ODAD2: variants seen among roughly 807,000 people sequenced by gnomAD.
ODAD2 encodes the protein outer dynein arm-docking complex subunit 2.
In ODAD2, 89 loss-of-function variants were observed where a neutral mutation model predicts 106.8. That is an observed-to-expected ratio of 0.83 (90% CI 0.70 to 0.99). The LOEUF is 0.99. Among genes scored for constraint, ODAD2 ranks in the 50% least tolerant of loss-of-function variants. The probability of loss-of-function intolerance (pLI) is 0.00; values close to 1 mark genes in which losing one functional copy is unlikely to be tolerated. For synonymous variants in ODAD2, 404 were observed against 436.2 expected, an observed-to-expected ratio of 0.93 and a Z score of 0.92; for missense variants, 1,168 against 1,238.5, an observed-to-expected ratio of 0.94 and a Z score of 0.85.
At chr10:27,975,103 T>C (rs1300908159) in intron 7 of ODAD2, among the ~76,000 whole-genome samples, 3 of 152,198 alleles carry the variant, frequency 2.0e-5, no homozygotes, top group South Asian at 2.1e-4. Context: ...TTTTGTATCC[T>C]GAAACGTTGC....
rs779911895 is a variant in ODAD2, at chr10:27,860,626, T to C, written c.3020A>G (p.Lys1007Arg). 3 of 1,613,520 alleles carry C rather than the reference T, an allele frequency of 1.9e-6. No homozygotes were observed. In the South Asian group the frequency reaches 3.3e-5, roughly 18 times the overall value. Reference protein sequence around the residue: ...CITMHENGAVKLLLDMVGSPD... With the variant: ...CITMHENGAVRLLLDMVGSPD... ...AACCACAAAGTCATTCAACTGTACC[T>C]TTACTGCACCATTCTCATGCATGGT... is the stretch of plus-strand genomic sequence containing the variant. Residue 1007 changes from lysine to arginine, a missense_variant and splice_region_variant, in exon 19 of 20, where the codon AAG becomes AGG. Around this residue, in one of 3 missense-constraint regions of ODAD2, gnomAD observed 701 missense variants for 712.3 expected, o/e 0.98. Coordinates refer to ENST00000305242, the MANE Select transcript of ODAD2 (RefSeq NM_018076.5).
In ODAD2 at chr10:27,896,093, G is replaced by C. The variant is rs530310289; in HGVS notation, c.2610+11570C>G. ...TGCTCACATATCCCAATGCACTTTTGAAAAGCTGTGTATCTTCTTCATCTC... is the reference window on the plus strand; with the variant it reads ...TGCTCACATATCCCAATGCACTTTTCAAAAGCTGTGTATCTTCTTCATCTC... On this transcript the variant is annotated intron_variant, in intron 17 of 19. Transcript: ENST00000305242. 7.9e-5 allele frequency among the ~76,000 whole-genome samples: 12 copies of C among 152,272 alleles called. No homozygotes were observed. In the South Asian group the frequency reaches 2.5e-3, roughly 32 times the overall value.
chr10:27,962,942 CT>C (rs1432928929), intron 9 of ODAD2, among the ~76,000 whole-genome samples: 1 of 151,962 alleles, frequency 6.6e-6, no homozygotes, highest in East Asian at 1.9e-4. Flanking sequence ...ACTTTTAAAT[CT>C]TCTAGCTAAT....
chr10:27,961,493 T>G, intron 10 of ODAD2, 75 bp downstream of exon 10: 1 of 1,373,190 alleles, frequency 7.3e-7, no homozygotes, highest in Non-Finnish European at 1.0e-6. Context: ...AAAGTAAACT[T>G]GGAAGCAGCA....
At chr10:27,953,680 G>A (rs1465636631) in intron 10 of ODAD2, among the ~76,000 whole-genome samples, 7 of 151,938 alleles carry the variant, frequency 4.6e-5, no homozygotes, top group African/African-American at 1.7e-4. Context: ...GCAAAATGTA[G>A]AATAAGAAAT....
intron 8 of ODAD2, among the ~76,000 whole-genome samples, chr10:27,969,695 C>T (rs1393312811): frequency 3.9e-5 from 6 of 152,208 alleles, no homozygotes; most frequent in South Asian, 4.2e-4. Flanking sequence ...CCTGTGATTC[C>T]CAGAATCCCT....
intron 6 of ODAD2, 125 bp from the exon 7 acceptor site, chr10:27,981,707 A>T: frequency 1.0e-5 from 7 of 697,400 alleles, no homozygotes; most frequent in Non-Finnish European, 1.6e-5. Context: ...GGTAGTTTTA[A>T]TACAGGAAAT....
chr10:27,898,150 A>G (rs1842971398), intron 17 of ODAD2, among the ~76,000 whole-genome samples: 1 of 152,190 alleles, frequency 6.6e-6, no homozygotes, highest in African/African-American at 2.4e-5. Flanking sequence ...TAAATTTGAC[A>G]TTTAAATATA....
intron 19 of ODAD2, among the ~76,000 whole-genome samples, chr10:27,829,504 T>C (rs941561673): frequency 6.6e-6 from 1 of 152,236 alleles, no homozygotes; most frequent in African/African-American, 2.4e-5. Flanking sequence ...ATGTTTTCCT[T>C]GTCTCATATA....
chr10:27,880,980 A>G (rs1564459916), intron 17 of ODAD2, among the ~76,000 whole-genome samples: 1 of 152,192 alleles, frequency 6.6e-6, no homozygotes, highest in Non-Finnish European at 1.5e-5. Context: ...AGTAAGTCCC[A>G]TAGTGAAAAA....
intron 17 of ODAD2, among the ~76,000 whole-genome samples, chr10:27,872,982 A>G (rs1017955528): frequency 8.5e-5 from 13 of 152,068 alleles, no homozygotes; most frequent in Admixed American, 2.6e-4. Context: ...AATCCCTCTG[A>G]TCCTGGACTT....
chr10:27,844,951 T>C (rs1388372892), intron 19 of ODAD2, among the ~76,000 whole-genome samples: 1 of 152,170 alleles, frequency 6.6e-6, no homozygotes, highest in Non-Finnish European at 1.5e-5. Flanking sequence ...AAGCAGTCTA[T>C]TAGCTCAGCC....
chr10:27,893,132 C>G (rs966268126), intron 17 of ODAD2, among the ~76,000 whole-genome samples: 1 of 151,634 alleles, frequency 6.6e-6, no homozygotes, highest in Non-Finnish European at 1.5e-5. Flanking sequence ...GCCCTCCAAC[C>G]TGGGCGACAG....
At chr10:27,990,681 T>C (rs1850175152) in intron 2 of ODAD2, among the ~76,000 whole-genome samples, 1 of 152,184 alleles carries the variant, frequency 6.6e-6, no homozygotes, top group South Asian at 2.1e-4. Context: ...ATTTTATAGG[T>C]TGAGTGTAAC....
chr10:27,951,882 C>T (rs539565969), intron 10 of ODAD2, among the ~76,000 whole-genome samples: 1 of 151,934 alleles, frequency 6.6e-6, no homozygotes, highest in Non-Finnish European at 1.5e-5. Context: ...CGAGACCAGC[C>T]TGACCAATAT....
intron 6 of ODAD2, among the ~76,000 whole-genome samples, chr10:27,982,509 T>C (rs942906366): frequency 6.6e-6 from 1 of 152,202 alleles, no homozygotes; most frequent in Non-Finnish European, 1.5e-5. Flanking sequence ...TTTTCTAAAA[T>C]ATCATAAACC....
chr10:27,958,179 G>A (rs1406405514), intron 10 of ODAD2, among the ~76,000 whole-genome samples: 1 of 152,168 alleles, frequency 6.6e-6, no homozygotes, highest in African/African-American at 2.4e-5. Flanking sequence ...CTGGCCAAGA[G>A]TATCACATTT....
chr10:27,825,992 T>C (rs930921866), intron 19 of ODAD2, among the ~76,000 whole-genome samples: 2 of 152,244 alleles, frequency 1.3e-5, no homozygotes, highest in African/African-American at 4.8e-5. Context: ...ACTTCAGACC[T>C]TGACCTCCTC....
intron 7 of ODAD2, among the ~76,000 whole-genome samples, chr10:27,974,100 A>G (rs1239608205): frequency 6.6e-6 from 1 of 152,126 alleles, no homozygotes; most frequent in African/African-American, 2.4e-5. Flanking sequence ...GTATCTGTTC[A>G]TGTCCTTTGA....
Sources: allele counts gnomAD v4.1 joint callset (sites outside exome capture counted in the v4.1 genomes callset), GRCh38; gene constraint gnomAD v4.1.1; regional missense constraint gnomAD v4.1.1; transcripts MANE v1.5; gene names NCBI Gene and HGNC (gene_info 2026-07-23, HGNC 2026-07-21).